The following ZP2 variants were observed in gnomAD, a reference collection of about 807,000 sequenced individuals.
ZP2 encodes the protein zona pellucida glycoprotein 2, also known as zona pellucida sperm-binding protein 2.
ZP2 carries 51 observed loss-of-function variants against 84.0 expected under a neutral mutation model. That is an observed-to-expected ratio of 0.61 (90% CI 0.49 to 0.77). The LOEUF (loss-of-function observed/expected upper bound fraction) is 0.77, where lower values mean the gene tolerates loss of function less well. Among genes scored for constraint, ZP2 ranks in the 30% least tolerant of loss-of-function variants. The probability of loss-of-function intolerance (pLI) is 0.00; values close to 1 mark genes in which losing one functional copy is unlikely to be tolerated. For synonymous variants in ZP2, 375 were observed against 330.9 expected (o/e 1.13, Z -1.45); for missense variants, 909 against 911.9 (o/e 1.00, Z 0.04).
intron 4 of ZP2, 113 bp from the exon 5 acceptor site, chr16:21,207,103 G>A: frequency 1.6e-6 from 2 of 1,242,706 alleles, no homozygotes; most frequent in South Asian, 1.4e-5. Context: ...AATACCACAA[G>A]TGCTGGAAGG....
chr16:21,205,982 T>C (rs546885527), intron 5 of ZP2: 166 of 589,476 alleles, frequency 2.8e-4, no homozygotes, highest in African/African-American at 2.8e-3. Context: ...TCTAAGCTCC[T>C]TTCCAGTTGT....
Position 21,205,522 on chromosome 16 carries a change from CAG to C in ZP2, c.589_590del (p.Leu197AspfsTer15). On this transcript the variant is annotated frameshift_variant, in exon 7 of 19. Transcript: ENST00000574091. LOFTEE classifies it high-confidence loss of function. ...EVGDGARAKTLTLPEAMKEGF... is the reference protein window; with the variant it reads ...EVGDGARAKTXTLPEAMKEGF... ...CTTCCTTCATGGCCTCTGGCAGGGT[CAG>C]AGTTTTGGCTCTTGCACCATCACCA... is the stretch of plus-strand genomic sequence containing the variant. The C allele has an allele frequency of 1.9e-6, 3 of 1,614,062 alleles. No individual in the cohort carries two copies. Among genetic ancestry groups the C allele is most frequent in the Non-Finnish European group, 2.5e-6 (3 of 1,180,002 alleles).
rs1736488699 is a variant in ZP2, at chr16:21,201,465, CTGT to C, written c.1595_1597del (p.Asn532del). The C allele has an allele frequency of 1.2e-6, 2 of 1,613,692 alleles. No homozygotes were observed. Among genetic ancestry groups the C allele is most frequent in the African/African-American group, 2.7e-5 (2 of 74,910 alleles). On this transcript the variant is annotated inframe_deletion, in exon 14 of 19. Coordinates refer to ENST00000574091, the MANE Select transcript of ZP2 (RefSeq NM_001376232.1). Reference sequence around the variant, plus strand: ...GACCAGCTTGATGTTGGGGTCATCCCTGTTTAGGACTCTCACTTCCATGTAAAT... The same window carrying C: ...GACCAGCTTGATGTTGGGGTCATCCCTTAGGACTCTCACTTCCATGTAAAT...
At chr16:21,207,635 A>AACACACACAC (rs10530241) in intron 4 of ZP2, among the ~76,000 whole-genome samples, 7 of 143,752 alleles carry the variant, frequency 4.9e-5, no homozygotes, top group Admixed American at 1.4e-4. Flanking sequence ...ATATATATTA[A>AACACACACAC]ACACACACAC....
In ZP2 at chr16:21,197,769, G is replaced by C. The variant is rs748352002; in HGVS notation, c.2092C>G (p.Arg698Gly). ...TTGCAACATTGAATAAACTTACCTC[G>C]TGAGCCAACCTCCTCCCCTGTTTCA... ...RSETGEEVGS[R>G]GAMDTKGHKT... Residue 698 changes from arginine (R) to glycine (G), a missense_variant, in exon 18 of 19, where the codon CGA (arginine) becomes GGA (glycine). Arg to Gly is a moderately radical substitution (Grantham distance 125). Coordinates refer to ENST00000574091, the MANE Select transcript of ZP2 (RefSeq NM_001376232.1). The C allele has an allele frequency of 1.9e-6, 3 of 1,614,088 alleles. No homozygotes were observed. Among genetic ancestry groups the C allele is most frequent in the East Asian group, 4.5e-5 (2 of 44,884 alleles).
In ZP2 at chr16:21,211,291, C is replaced by T; in HGVS notation, c.151+16G>A. On this transcript the variant is annotated intron_variant, in intron 2 of 18. Transcript: ENST00000574091. ...TTTTCTCTGCTAAGAAGACTTCTGT[C>T]ACCCAAGAGACATACCTGGAAAGGC... 3.7e-6 allele frequency: 6 copies of T among 1,611,988 alleles called. No individual in the cohort carries two copies. Among genetic ancestry groups the T allele is most frequent in the Non-Finnish European group, 5.1e-6 (6 of 1,178,384 alleles).
chr16:21,207,173 T>A (rs2093253774), intron 4 of ZP2, among the ~76,000 whole-genome samples, 183 bp from the exon 5 acceptor site: 1 of 152,200 alleles, frequency 6.6e-6, no homozygotes, highest in African/African-American at 2.4e-5. Flanking sequence ...TGAAGACTCA[T>A]GCTGATAGGC....
chr16:21,209,734 G>A lies in ZP2; in HGVS notation c.236-9C>T. On this transcript the variant is annotated splice_polypyrimidine_tract_variant and intron_variant, in intron 3 of 18. Transcript: ENST00000574091. ...GTCGAGACCAAGAGGATCTGCCAAG[G>A]CCAGAGCAGGTTAGACAGGATGGCT... 6.2e-7 allele frequency: 1 copy of A among 1,613,884 alleles called. No homozygotes were observed. The highest frequency in any genetic ancestry group is 8.5e-7 in the Non-Finnish European group (1 of 1,179,800).
At position 21,205,722 on chromosome 16, in the gene ZP2, G is replaced by T. The variant is rs1189448517; in HGVS notation, c.528+9C>A. The stretch of plus-strand genomic sequence containing the variant: ...TATTAAGGTCTGATTTTTAAAATTT[G>T]CTTCATACCTTACTGTCGTCAGCCA... On this transcript the variant is annotated intron_variant, in intron 6 of 18. Coordinates refer to ENST00000574091, the MANE Select transcript of ZP2 (RefSeq NM_001376232.1). The T allele has an allele frequency of 6.2e-7, 1 of 1,613,960 alleles. No homozygotes were observed. The highest frequency in any genetic ancestry group is 2.2e-5 in the East Asian group (1 of 44,852).
intron 14 of ZP2, 126 bp downstream of exon 14, chr16:21,201,243 A>C (rs546018617): frequency 8.3e-6 from 7 of 844,298 alleles, no homozygotes; most frequent in Non-Finnish European, 1.2e-5. Flanking sequence ...TCCCAATTAG[A>C]AAACAAGGAC....
rs1345613551 is a variant in ZP2, at chr16:21,210,047, T to C, written c.235+62A>G. 5 of 1,474,768 alleles carry C rather than the reference T, an allele frequency of 3.4e-6. No individual in the cohort carries two copies. In the African/African-American group the frequency reaches 5.5e-5, roughly 16 times the overall value. The allele number at this position is 1,474,768 out of a possible 1,614,324, so 91.4% of individuals were successfully genotyped here. A position where few individuals can be genotyped will look rare whatever the true frequency, so the allele number is the denominator to read the frequency against. ...TGGGTACTCTGCTCCCCAAACAGGA[T>C]TGACCTAAGCCAAAGGCTGTCTGCT... On this transcript the variant is annotated intron_variant, in intron 3 of 18. Transcript: ENST00000574091.
Position 21,207,532 on chromosome 16 carries a change from C to T in ZP2, c.331-542G>A, listed in dbSNP as rs1268182836. On this transcript the variant is annotated intron_variant, in intron 4 of 18. Transcript: ENST00000574091. ...GGGCATGGTGGCTCATTGCCTGTAA[C>T]TCCAGCACTTTGGGAGGCTGAGGCA... 2.0e-5 allele frequency among the ~76,000 whole-genome samples: 3 copies of T among 152,038 alleles called. No homozygotes were observed. In the East Asian group the frequency reaches 5.8e-4, roughly 29 times the overall value.
rs762920482 is a variant in ZP2, at chr16:21,197,637, G to GAC, written c.2096-17_2096-16dup. On this transcript the variant is annotated splice_polypyrimidine_tract_variant and intron_variant, in intron 18 of 18. Coordinates refer to ENST00000574091, the MANE Select transcript of ZP2 (RefSeq NM_001376232.1). ...GTCCATAGCACCTACAAAGGAAGCA[G>GAC]ACATTTGAGTCTTAAGTATTTTTAA... is the stretch of plus-strand genomic sequence containing the variant. The GAC allele has an allele frequency of 6.2e-7, 1 of 1,614,094 alleles. No homozygotes were observed. Among genetic ancestry groups the GAC allele is most frequent in the Non-Finnish European group, 8.5e-7 (1 of 1,179,974 alleles).
intron 9 of ZP2, 105 bp downstream of exon 9, chr16:21,203,925 G>T: frequency 8.1e-7 from 1 of 1,237,958 alleles, no homozygotes; most frequent in Non-Finnish European, 1.2e-6. Flanking sequence ...TGTTATGTTG[G>T]CAATTAGAGC....
intron 2 of ZP2, 64 bp downstream of exon 2, chr16:21,211,243 C>G: frequency 6.8e-7 from 1 of 1,461,094 alleles, no homozygotes; most frequent in Non-Finnish European, 9.6e-7. Context: ...TCTTGGCCAG[C>G]TAGGCCTTCC....
rs969936893 is a variant in ZP2, at chr16:21,206,703, A to G, written c.483+135T>C. ...GAAACAAAGCCTCAGGGTAAAGTTAAACCTCATCACACAGAAAATTAGCAA... is the reference window on the plus strand; with the variant it reads ...GAAACAAAGCCTCAGGGTAAAGTTAGACCTCATCACACAGAAAATTAGCAA... On this transcript the variant is annotated intron_variant, in intron 5 of 18. Coordinates refer to ENST00000574091, the MANE Select transcript of ZP2 (RefSeq NM_001376232.1). The G allele has an allele frequency of 8.5e-6, 10 of 1,177,694 alleles. No individual in the cohort carries two copies. The African/African-American group carries it at 1.5e-4, about 18-fold the overall frequency. 73.0% of individuals were successfully genotyped at this position (1,177,694 alleles called of 1,614,324 possible).
chr16:21,200,019 C>A (rs902192517), intron 14 of ZP2, 141 bp from the exon 15 acceptor site: 1 of 993,386 alleles, frequency 1.0e-6, no homozygotes, highest in African/African-American at 1.6e-5. Context: ...TTTTACTCAG[C>A]ATTTCTTACC....
chr16:21,207,683 A>T (rs2152856187), intron 4 of ZP2, among the ~76,000 whole-genome samples: 1 of 144,206 alleles, frequency 6.9e-6, no homozygotes, highest in Admixed American at 7.0e-5. Context: ...CACACACACC[A>T]CAAAAGTTAG....
chr16:21,211,363 A>G lies in ZP2; in HGVS notation c.95T>C (p.Leu32Pro). The stretch of plus-strand genomic sequence containing the variant: ...ATCTATGGAGTTCCCTGAAGTCACA[A>G]GGGCGAAGAAGAGAGAAATCGACCT... ...TYRSISLFFA[L>P]VTSGNSIDVS... The change falls in exon 2 of 19, where the codon CTT becomes CCT. Residue 32 changes from leucine (L) to proline (P), a missense_variant. By Grantham distance (98) the Leu-to-Pro change is moderately conservative. Coordinates refer to ENST00000574091, the MANE Select transcript of ZP2 (RefSeq NM_001376232.1). The G allele has an allele frequency of 6.2e-7, 1 of 1,614,186 alleles. No individual in the cohort carries two copies. The highest frequency in any genetic ancestry group is 8.5e-7 in the Non-Finnish European group (1 of 1,180,028).
Sources: allele counts gnomAD v4.1 joint callset (sites outside exome capture counted in the v4.1 genomes callset), GRCh38; gene constraint gnomAD v4.1.1; transcripts MANE v1.5; gene names NCBI Gene and HGNC (gene_info 2026-07-23, HGNC 2026-07-21).